Variants in GRAMD1C observed in about 807,000 individuals in gnomAD.
The protein encoded by GRAMD1C is GRAM domain containing 1C, also known as protein Aster-C.
A neutral mutation model predicts 97.8 loss-of-function variants in GRAMD1C; 89 were observed. The ratio of observed to expected loss-of-function variants is 0.91; its 90% CI spans 0.77 to 1.09. The LOEUF (loss-of-function observed/expected upper bound fraction) is 1.09. Among genes scored for constraint, GRAMD1C ranks in the 50% least tolerant of loss-of-function variants. GRAMD1C has a pLI of 0.00. For missense variants in GRAMD1C, 740 were observed against 766.4 expected (o/e 0.97, Z 0.41); for synonymous variants, 256 against 267.0 (o/e 0.96, Z 0.40).
chr3:113,936,391 T>C lies in GRAMD1C; in HGVS notation c.1582T>C (p.Ser528Pro), dbSNP rs1005125496. The C allele has an allele frequency of 2.5e-6, 4 of 1,613,758 alleles. 1 individual carries two copies. Among genetic ancestry groups the C allele is most frequent in the Non-Finnish European group, 3.4e-6 (4 of 1,179,684 alleles). ...RTAETVPKLS[S>P]QHSSGDVGLG... ...AGCAGAAACAGTTCCTAAACTTTCCTCTCAGCATTCCTCTGGAGATGTGGG... is the reference window on the plus strand; with the variant it reads ...AGCAGAAACAGTTCCTAAACTTTCCCCTCAGCATTCCTCTGGAGATGTGGG... The change falls in exon 14 of 18, where the codon TCT becomes CCT. Residue 528 changes from serine (S) to proline (P), a missense_variant. By Grantham distance (74) the Ser-to-Pro change is moderately conservative. Transcript: ENST00000358160.
chr3:113,844,692 A>T, intron 2 of GRAMD1C, 43 bp downstream of exon 2: 1 of 1,423,840 alleles, frequency 7.0e-7, no homozygotes, highest in Non-Finnish European at 9.7e-7. Flanking sequence ...TTGAATACAA[A>T]TTTTCTTTAA....
chr3:113,867,903 C>A (rs2107366422), intron 2 of GRAMD1C, among the ~76,000 whole-genome samples: 1 of 152,244 alleles, frequency 6.6e-6, no homozygotes, highest in Non-Finnish European at 1.5e-5. Context: ...CCTTCTGATA[C>A]TCCCATCACA....
intron 12 of GRAMD1C, 108 bp from the exon 13 acceptor site, chr3:113,934,322 CTT>C: frequency 1.6e-6 from 1 of 635,822 alleles, no homozygotes; most frequent in South Asian, 2.0e-5. Flanking sequence ...ATATTAATGA[CTT>C]TGAATCTTTT....
intron 6 of GRAMD1C, among the ~76,000 whole-genome samples, chr3:113,890,292 TGA>T (rs1935666974): frequency 6.6e-6 from 1 of 152,174 alleles, no homozygotes; most frequent in African/African-American, 2.4e-5. Context: ...AAGCCCCTGC[TGA>T]GTGTCTGTGG....
At chr3:113,873,578 G>T (rs1345459354) in intron 3 of GRAMD1C, among the ~76,000 whole-genome samples, 1 of 152,032 alleles carries the variant, frequency 6.6e-6, no homozygotes, top group Non-Finnish European at 1.5e-5. Context: ...GAGTGCAATG[G>T]CATGATCTCA....
rs538283792 is a variant in GRAMD1C at position 113,831,824 on chromosome 3, T to C, written n.98+3545T>C. On this transcript the variant is annotated intron_variant and non_coding_transcript_variant, in intron 1 of 18. Coordinates refer to the GRAMD1C transcript ENST00000479212. ...ATATTCTTCATTAGGTGAGACATTG[T>C]TCTCATGGGTCTCTTTTGAATTTGA... Among the ~76,000 whole-genome samples the C allele has an allele frequency of 2.4e-3, 370 of 152,288 alleles. 2 individuals carry two copies. The highest frequency in any genetic ancestry group is 3.4e-3 in the Non-Finnish European group (234 of 68,026).
At chr3:113,928,002 G>T (rs1312275983) in intron 10 of GRAMD1C, among the ~76,000 whole-genome samples, 1 of 152,188 alleles carries the variant, frequency 6.6e-6, no homozygotes, top group African/African-American at 2.4e-5. Flanking sequence ...AAGTGTGGGG[G>T]TAGGGCCAGG....
chr3:113,930,835 A>G lies in GRAMD1C; in HGVS notation c.1209+3A>G. 6.9e-7 allele frequency: 1 copy of G among 1,456,348 alleles called. No homozygotes were observed. Among genetic ancestry groups the G allele is most frequent in the Non-Finnish European group, 9.6e-7 (1 of 1,036,348 alleles). 90.2% of individuals were successfully genotyped at this position (1,456,348 alleles called of 1,614,324 possible). A position where few individuals can be genotyped will look rare whatever the true frequency, so the allele number is the denominator to read the frequency against. ...GCACTGCTGCCACTGAAAAGCAGGTACGTCTGCTTTGTCAGTGTCCAGAAG... is the reference window on the plus strand; with the variant it reads ...GCACTGCTGCCACTGAAAAGCAGGTGCGTCTGCTTTGTCAGTGTCCAGAAG... On this transcript the variant is annotated splice_donor_region_variant and intron_variant, in intron 11 of 17. Transcript: ENST00000358160.
chr3:113,858,384 TCCCAGCTACA>T (rs1934233421), intron 2 of GRAMD1C, among the ~76,000 whole-genome samples: 1 of 114,476 alleles, frequency 8.7e-6, no homozygotes, highest in Admixed American at 1.0e-4. Flanking sequence ...AGGCATGTAA[TCCCAGCTACA>T]TTTTTTTTTT....
At chr3:113,913,145 C>T (rs1249728154) in intron 9 of GRAMD1C, 8 of 1,259,308 alleles carry the variant, frequency 6.4e-6, no homozygotes, top group Non-Finnish European at 8.3e-6. Context: ...TACTCTGGCC[C>T]CCAGTGGCCA....
intron 17 of GRAMD1C, among the ~76,000 whole-genome samples, chr3:113,941,915 G>GCT (rs1559829947): frequency 1.2e-4 from 17 of 142,178 alleles, no homozygotes; most frequent in African/African-American, 4.6e-4. Flanking sequence ...CACCGTGCCC[G>GCT]GCCATCTTTT....
chr3:113,875,742 A>G (rs1007435704), intron 4 of GRAMD1C, 155 bp downstream of exon 4: 1 of 504,722 alleles, frequency 2.0e-6, no homozygotes, highest in Non-Finnish European at 3.5e-6. Context: ...TGTTGTATAT[A>G]TAAGTGTATA....
chr3:113,938,093 A>G lies in GRAMD1C; in HGVS notation c.1641A>G (p.Lys547=), dbSNP rs1315603239. The change falls in exon 15 of 18, where the codon AAA becomes AAG. Residue 547 remains lysine (K), a synonymous_variant. Transcript: ENST00000358160. ...LGAKGDITGK[K]KEMENYNVTL... is the part of the protein sequence containing the mutation. ...TTTTCTTGTGATCTACAGGAAAGAA[A>G]AAGGAAATGGAAAACTATAACGTCA... 4 of 1,522,486 alleles carry G rather than the reference A, an allele frequency of 2.6e-6. No homozygotes were observed. The African/African-American group carries it at 5.6e-5, about 21-fold the overall frequency. The allele number at this position is 1,522,486 out of a possible 1,614,324, so 94.3% of individuals were successfully genotyped here.
intron 6 of GRAMD1C, among the ~76,000 whole-genome samples, chr3:113,888,993 G>C (rs942121495): frequency 6.6e-6 from 1 of 152,204 alleles, no homozygotes; most frequent in African/African-American, 2.4e-5. Flanking sequence ...CTGAGGTCGG[G>C]AGTTCGAGAC....
At chr3:113,932,310 G>T (rs912397957) in intron 11 of GRAMD1C, among the ~76,000 whole-genome samples, 1 of 152,090 alleles carries the variant, frequency 6.6e-6, no homozygotes, top group African/African-American at 2.4e-5. Context: ...ATTATCAAAC[G>T]TAAGAAAAGT....
At chr3:113,933,457 A>AAGATTC (rs776602100) in intron 11 of GRAMD1C, 54 bp from the exon 12 acceptor site, 14 of 1,261,386 alleles carry the variant, frequency 1.1e-5, no homozygotes, top group Admixed American at 1.8e-5. Context: ...AATTGGCAAG[A>AAGATTC]AGATTCATAT....
At chr3:113,934,932 C>T (rs1036821020) in intron 13 of GRAMD1C, among the ~76,000 whole-genome samples, 2 of 151,866 alleles carry the variant, frequency 1.3e-5, no homozygotes, top group Admixed American at 6.6e-5. Context: ...TTAGTAGAGA[C>T]GAGGTTTCAC....
At chr3:113,936,229 T>C in intron 13 of GRAMD1C, 37 bp from the exon 14 acceptor site, 1 of 1,228,204 alleles carries the variant, frequency 8.1e-7, no homozygotes, top group African/African-American at 1.5e-5. Flanking sequence ...TTGAGGAGCT[T>C]TCCTCACTAT....
At chr3:113,849,447 C>T (rs964841085) in intron 2 of GRAMD1C, among the ~76,000 whole-genome samples, 19 of 151,762 alleles carry the variant, frequency 1.3e-4, no homozygotes, top group African/African-American at 4.6e-4. Context: ...TGCAGCCTTC[C>T]GCAGTGTTTG....
Sources: gnomAD v4.1 joint callset for allele counts (sites outside exome capture counted in the v4.1 genomes callset) on GRCh38, gnomAD v4.1.1 for gene constraint, MANE v1.5 for transcripts, NCBI Gene and HGNC (gene_info 2026-07-23, HGNC 2026-07-21) for gene names.